Variants in GPHN observed in about 807,000 individuals in gnomAD.
GPHN encodes gephyrin.
GPHN carries 17 observed loss-of-function variants against 95.5 expected under a neutral mutation model. The ratio of observed to expected loss-of-function variants is 0.18; its 90% CI spans 0.12 to 0.27. The LOEUF is 0.27. Among genes scored for constraint, GPHN ranks in the 10% least tolerant of loss-of-function variants. The probability of loss-of-function intolerance (pLI) is 1.00; values close to 1 mark genes in which losing one functional copy is unlikely to be tolerated. For synonymous variants in GPHN, 320 were observed against 322.5 expected, an observed-to-expected ratio of 0.99 and a Z score of 0.08; for missense variants, 660 against 978.1, an observed-to-expected ratio of 0.67 and a Z score of 4.34.
At chr14:66,812,241 A>G (rs1178243671) in intron 3 of GPHN, among the ~76,000 whole-genome samples, 3 of 152,200 alleles carry the variant, frequency 2.0e-5, no homozygotes, top group African/African-American at 7.2e-5. Flanking sequence ...AAGGGATTGA[A>G]CTGAAATTTG....
At chr14:66,996,083 G>T in intron 9 of GPHN, 2 of 775,548 alleles carry the variant, frequency 2.6e-6, no homozygotes, top group Non-Finnish European at 4.4e-6. Flanking sequence ...CTGGCCAAGT[G>T]TGTTGGTGAT....
chr14:67,458,333 A>C, the GPHN span, among the ~76,000 whole-genome samples: 1 of 152,196 alleles, frequency 6.6e-6, no homozygotes, highest in Non-Finnish European at 1.5e-5. Context: ...TTATGGACTC[A>C]TAATAACCCC....
intron 2 of GPHN, chr14:66,760,746 A>G (rs1387941448): frequency 4.4e-6 from 2 of 459,260 alleles, no homozygotes; most frequent in East Asian, 1.2e-4. Context: ...TTTGAATTTG[A>G]AAAACATAGA....
chr14:67,279,560 CAG>C, the GPHN span: 3 of 1,505,096 alleles, frequency 2.0e-6, no homozygotes, highest in East Asian at 4.6e-5. Context: ...AGAGGTATAA[CAG>C]AAAACATTTT....
At chr14:67,657,356 C>A in the GPHN span, 1 of 152,202 alleles carries the variant, frequency 6.6e-6, no homozygotes, top group Non-Finnish European at 1.5e-5. Context: ...CTTGAGCCTG[C>A]CACACTGGGG....
the GPHN span, among the ~76,000 whole-genome samples, chr14:67,401,623 A>G: frequency 6.6e-6 from 1 of 152,188 alleles, no homozygotes; most frequent in Non-Finnish European, 1.5e-5. Context: ...CAAGCCAAGG[A>G]GAGAGAGGTC....
the GPHN span, among the ~76,000 whole-genome samples, chr14:67,354,818 T>C: frequency 6.6e-6 from 1 of 152,132 alleles, no homozygotes; most frequent in Non-Finnish European, 1.5e-5. Context: ...TTTTGCATTT[T>C]ATTTTATTTT....
intron 10 of GPHN, among the ~76,000 whole-genome samples, chr14:67,024,946 T>C (rs1416001218): frequency 1.3e-5 from 2 of 152,128 alleles, no homozygotes; most frequent in South Asian, 2.1e-4. Context: ...GCAAACACAA[T>C]TATTGCTTGC....
chr14:67,670,985 A>G, the GPHN span, among the ~76,000 whole-genome samples: 6 of 152,242 alleles, frequency 3.9e-5, no homozygotes, highest in Non-Finnish European at 5.9e-5. Flanking sequence ...TGTGCCTAAT[A>G]ATTCATGATG....
chr14:66,766,327 C>T (rs752269034), intron 2 of GPHN, among the ~76,000 whole-genome samples: 35 of 151,968 alleles, frequency 2.3e-4, no homozygotes, highest in Non-Finnish European at 4.1e-4. Flanking sequence ...AATTTTAAGC[C>T]CTGCCAAGGC....
intron 12 of GPHN, among the ~76,000 whole-genome samples, chr14:67,092,416 T>C (rs1017470972): frequency 6.6e-6 from 1 of 152,058 alleles, no homozygotes; most frequent in Non-Finnish European, 1.5e-5. Flanking sequence ...CCCTTGATTC[T>C]CCCTATTTTC....
chr14:67,208,894 C>A, the GPHN span, among the ~76,000 whole-genome samples: 1 of 128,164 alleles, frequency 7.8e-6, no homozygotes, highest in Non-Finnish European at 1.6e-5. Flanking sequence ...AAAACTCTGT[C>A]TCAAAAAAAA....
In GPHN at chr14:66,625,235, C is replaced by T. The variant is rs115381194; in HGVS notation, c.65-55872C>T. On this transcript the variant is annotated intron_variant, in intron 1 of 22. Transcript: ENST00000478722. The stretch of plus-strand genomic sequence containing the variant: ...CTGGAACTACAAACACGCACCACCA[C>T]ACCTAATTTTATAATTTTTTTGTAG... Among the ~76,000 whole-genome samples the T allele has an allele frequency of 3.0e-3, 456 of 152,166 alleles. 4 individuals carry two copies. Among genetic ancestry groups the T allele is most frequent in the African/African-American group, 0.011 (438 of 41,514 alleles).
chr14:67,662,801 G>A, the GPHN span, among the ~76,000 whole-genome samples: 1 of 151,826 alleles, frequency 6.6e-6, no homozygotes, highest in African/African-American at 2.4e-5. Context: ...CTACTTGGGA[G>A]GCAGAGGTAG....
the GPHN span, among the ~76,000 whole-genome samples, chr14:67,627,256 GATATAT>G: frequency 1.0e-3 from 134 of 133,724 alleles, 1 homozygote; most frequent in South Asian, 2.1e-3. Context: ...TCAGTAAGGA[GATATAT>G]ATATATATAT....
intron 4 of GPHN, among the ~76,000 whole-genome samples, chr14:66,836,507 C>T (rs2061823282): frequency 2.1e-5 from 3 of 140,802 alleles, no homozygotes; most frequent in Non-Finnish European, 4.5e-5. Context: ...AAAACCTAGG[C>T]ATTACCATTC....
chr14:66,727,071 C>G (rs1204973735), intron 2 of GPHN, among the ~76,000 whole-genome samples: 1 of 152,084 alleles, frequency 6.6e-6, no homozygotes, highest in East Asian at 1.9e-4. Flanking sequence ...GGTGGCTGGT[C>G]TCTCCCATGC....
chr14:67,334,324 T>C, the GPHN span: 1 of 152,634 alleles, frequency 6.6e-6, no homozygotes, highest in Non-Finnish European at 1.5e-5. Context: ...GGAAACTTAA[T>C]TTGCAGTCTT....
chr14:66,961,201 C>G (rs2068877939), intron 8 of GPHN, among the ~76,000 whole-genome samples: 2 of 151,912 alleles, frequency 1.3e-5, no homozygotes, highest in Admixed American at 1.3e-4. Context: ...GTCTATTTTT[C>G]TTGATTACCC....
Sources: gnomAD v4.1 joint callset for allele counts (sites outside exome capture counted in the v4.1 genomes callset) on GRCh38, gnomAD v4.1.1 for gene constraint, MANE v1.5 for transcripts, NCBI Gene and HGNC (gene_info 2026-07-23, HGNC 2026-07-21) for gene names.